Variants in PDXK observed in about 807,000 individuals in gnomAD.
PDXK encodes pyridoxal kinase.
Under a neutral mutation model 43.2 loss-of-function variants are expected in PDXK, and 15 were observed. The observed-to-expected ratio is 0.35, with a 90% confidence interval of 0.23 to 0.53. The LOEUF (loss-of-function observed/expected upper bound fraction) is 0.53. Among genes scored for constraint, PDXK ranks in the 20% least tolerant of loss-of-function variants. The pLI, the probability that PDXK is intolerant of heterozygous loss-of-function variation, is 0.92. For synonymous variants in PDXK, 172 were observed against 165.4 expected (o/e 1.04, Z -0.31); for missense variants, 343 against 417.0 (o/e 0.82, Z 1.54).
chr21:43,755,457 C>T (rs930571004), intron 9 of PDXK: 15 of 558,566 alleles, frequency 2.7e-5, no homozygotes, highest in Middle Eastern at 9.4e-4. Context: ...CTTCTGTGAG[C>T]CATCTCTTGT....
rs772778563 is a variant in PDXK at position 43,741,814 on chromosome 21, C to T, written c.247+43C>T. 4 of 1,342,132 alleles carry T rather than the reference C, an allele frequency of 3.0e-6. No individual in the cohort carries two copies. The African/African-American group carries it at 4.3e-5, about 14-fold the overall frequency. 83.1% of individuals were successfully genotyped at this position (1,342,132 alleles called of 1,614,324 possible). A position where few individuals can be genotyped will look rare whatever the true frequency, so the allele number is the denominator to read the frequency against. ...CTGCCGCAGGGGACTACGCACCCCA[C>T]TCCAGCCAGGGTGGGCTCAGGGAGG... On this transcript the variant is annotated intron_variant, in intron 3 of 10. Transcript: ENST00000291565.
rs1172222321 is a variant in PDXK, at chr21:43,759,344, C to T, written c.*3281C>T. The T allele has an allele frequency of 1.3e-5, 2 of 153,706 alleles. No homozygotes were observed. The highest frequency in any genetic ancestry group is 2.9e-5 in the Non-Finnish European group (2 of 68,030). The allele number at this position is 153,706 out of a possible 1,614,324, so 9.5% of individuals were successfully genotyped here. ...CCCGTCCACCTTCCCTGGCTCCAGC[C>T]TCATTCTCTCTTTAGTTTAACTATG... On this transcript the variant is annotated 3_prime_UTR_variant, in exon 11 of 11. Transcript: ENST00000291565.
Position 43,734,431 on chromosome 21 carries a change from A to G in PDXK, c.142+308A>G, listed in dbSNP as rs2083371636. On this transcript the variant is annotated intron_variant, in intron 2 of 10. Transcript: ENST00000291565. The surrounding 1 kb of genome is among the most constrained non-coding windows in gnomAD (Gnocchi z 5.0). ...TCCTTCTCTGTAAGACAGGAGGGCA[A>G]TCCTAACACCTGCCGTGAGGTTGCC... is the stretch of plus-strand genomic sequence containing the variant. Among the ~76,000 whole-genome samples the G allele has an allele frequency of 6.6e-6, 1 of 152,062 alleles. No individual in the cohort carries two copies. The highest frequency in any genetic ancestry group is 2.4e-5 in the African/African-American group (1 of 41,412).
At chr21:43,728,209 A>G (rs1263995843) in intron 1 of PDXK, among the ~76,000 whole-genome samples, 2 of 152,088 alleles carry the variant, frequency 1.3e-5, no homozygotes, top group African/African-American at 4.8e-5. Flanking sequence ...GGGAGTTTGT[A>G]GGACAAAGGA....
At chr21:43,741,001 C>T (rs1437625326) in intron 2 of PDXK, 2 of 149,646 alleles carry the variant, frequency 1.3e-5, no homozygotes, top group Non-Finnish European at 3.0e-5. Context: ...AGCCAGGGGC[C>T]TTCCGGACAG....
chr21:43,736,441 C>T (rs1407122535), intron 2 of PDXK, among the ~76,000 whole-genome samples: 2 of 152,166 alleles, frequency 1.3e-5, no homozygotes, highest in Non-Finnish European at 1.5e-5. Context: ...CGTGCGGACA[C>T]TCGGGCCGTT....
At chr21:43,742,066 C>CCGGGG (rs2083544769) in intron 3 of PDXK, among the ~76,000 whole-genome samples, 1 of 152,140 alleles carries the variant, frequency 6.6e-6, no homozygotes. Flanking sequence ...GGAACGCTGA[C>CCGGGG]CGGGGCAGGA....
chr21:43,719,829 ACGCT>A (rs2147196356), intron 1 of PDXK: 1 of 985,406 alleles, frequency 1.0e-6, no homozygotes, highest in South Asian at 4.7e-5. Context: ...GGAGCTCGAG[ACGCT>A]CGCGCGCTCA....
intron 3 of PDXK, among the ~76,000 whole-genome samples, chr21:43,743,148 C>T (rs113893606): frequency 1.6e-3 from 190 of 121,538 alleles, no homozygotes; most frequent in Middle Eastern, 0.011. Flanking sequence ...CTCGCCTGCA[C>T]CCACCTCCCT....
At chr21:43,745,939 G>T in intron 4 of PDXK, 140 bp from the exon 5 acceptor site, 1 of 717,924 alleles carries the variant, frequency 1.4e-6, no homozygotes, top group Non-Finnish European at 2.5e-6. Context: ...CGAGGTTGCA[G>T]TGAACCATGA....
intron 8 of PDXK, among the ~76,000 whole-genome samples, chr21:43,753,245 C>A (rs2083785823): frequency 6.6e-6 from 1 of 152,196 alleles, no homozygotes. Context: ...CACGGACACA[C>A]ATGCATACAC....
intron 1 of PDXK, chr21:43,729,147 C>T (rs2083286259): frequency 2.8e-6 from 1 of 359,530 alleles, no homozygotes; most frequent in Non-Finnish European, 3.8e-6. Context: ...GGGTGCTTGG[C>T]GCTTGTTTAC....
At chr21:43,719,903 C>T (rs983199856) in intron 1 of PDXK, 4 of 985,332 alleles carry the variant, frequency 4.1e-6, no homozygotes, top group Non-Finnish European at 1.2e-6. Flanking sequence ...GGTCACGGTG[C>T]CCACGAGGGT....
At chr21:43,750,938 GCACGTGTT>G (rs2083736281) in intron 7 of PDXK, among the ~76,000 whole-genome samples, 10 of 145,480 alleles carry the variant, frequency 6.9e-5, no homozygotes, top group African/African-American at 2.6e-4. Flanking sequence ...GCGTATGTGT[GCACGTGTT>G]TGCACATGTG....
At chr21:43,750,962 A>ATGTGTGTGTGTGTG (rs3042278) in intron 7 of PDXK, among the ~76,000 whole-genome samples, 2 of 150,624 alleles carry the variant, frequency 1.3e-5, no homozygotes, top group African/African-American at 4.9e-5. Context: ...ATGTGTGTGC[A>ATGTGTGTGTGTGTG]TGTGTGTGTG....
At chr21:43,744,773 C>T (rs1002657000) in intron 4 of PDXK, 4 of 152,232 alleles carry the variant, frequency 2.6e-5, no homozygotes, top group South Asian at 4.1e-4. Context: ...CGCATGTATC[C>T]GAAATAGCTG....
intron 5 of PDXK, among the ~76,000 whole-genome samples, chr21:43,747,671 G>A (rs934662496): frequency 3.3e-5 from 5 of 152,150 alleles, no homozygotes; most frequent in African/African-American, 1.2e-4. Context: ...GCTGACCCTC[G>A]GCAGACACTT....
At chr21:43,742,656 C>T (rs956361131) in intron 3 of PDXK, among the ~76,000 whole-genome samples, 2 of 152,106 alleles carry the variant, frequency 1.3e-5, no homozygotes, top group African/African-American at 2.4e-5. Context: ...GAGGGAGGCT[C>T]GCTTGAGACC....
intron 1 of PDXK, among the ~76,000 whole-genome samples, chr21:43,724,483 C>T (rs2083234139): frequency 6.6e-6 from 1 of 152,078 alleles, no homozygotes; most frequent in South Asian, 2.1e-4. Context: ...AGACGCGTGA[C>T]GGGGTCCCCA....
Sources: gnomAD v4.1 joint callset for allele counts (sites outside exome capture counted in the v4.1 genomes callset) on GRCh38, gnomAD v4.1.1 for gene constraint, Gnocchi (gnomAD v3.1) non-coding constraint, MANE v1.5 for transcripts, NCBI Gene and HGNC (gene_info 2026-07-23, HGNC 2026-07-21) for gene names.